Variants in VCAN observed in about 807,000 individuals in gnomAD.
VCAN encodes the protein versican, also known as versican core protein.
VCAN carries 44 observed loss-of-function variants against 245.5 expected under a neutral mutation model. The observed-to-expected ratio is 0.18, with a 90% confidence interval of 0.14 to 0.23. The LOEUF is 0.23. Ranked by LOEUF, VCAN falls within the 10% of genes least tolerant of loss-of-function variation. The pLI is 1.00. For synonymous variants in VCAN, 1,413 were observed against 1,437.0 expected (o/e 0.98, Z 0.38); for missense variants, 3,793 against 4,057.9 (o/e 0.93, Z 1.77).
rs199999031 is a variant in VCAN, at chr5:83,522,328, G to C, written c.4003+19G>C. The C allele has an allele frequency of 4.4e-6, 7 of 1,597,248 alleles. No homozygotes were observed. The African/African-American group carries it at 8.0e-5, about 18-fold the overall frequency. ...AAGACAGGTAAGTCTTTGCTTTCTA[G>C]ACTAGCATTGAAGGCAATCCTCATT... On this transcript the variant is annotated intron_variant, in intron 7 of 14. Transcript: ENST00000265077.
At chr5:83,542,661 T>C (rs1451654445) in intron 8 of VCAN, among the ~76,000 whole-genome samples, 4 of 152,194 alleles carry the variant, frequency 2.6e-5, no homozygotes, top group Non-Finnish European at 5.9e-5. Context: ...AACCCTCCCA[T>C]TGATGGATGC....
chr5:83,488,811 T>C (rs1354980042), intron 2 of VCAN, among the ~76,000 whole-genome samples: 1 of 152,238 alleles, frequency 6.6e-6, no homozygotes, highest in Non-Finnish European at 1.5e-5. Flanking sequence ...GTGATTTATA[T>C]TGTAAGTACA....
intron 11 of VCAN, among the ~76,000 whole-genome samples, chr5:83,554,154 T>C (rs309589): frequency 0.07 from 10,725 of 152,282 alleles, 595 homozygotes; most frequent in South Asian, 0.27. Context: ...TAGCAATATG[T>C]AGAAATTTGT....
intron 6 of VCAN, among the ~76,000 whole-genome samples, chr5:83,516,643 T>G (rs915721261): frequency 2.0e-5 from 3 of 152,258 alleles, no homozygotes; most frequent in Admixed American, 2.0e-4. Context: ...TTGATTTATG[T>G]TGGCTTCCTC....
At chr5:83,528,955 C>A (rs554039811) in intron 7 of VCAN, among the ~76,000 whole-genome samples, 3 of 150,756 alleles carry the variant, frequency 2.0e-5, no homozygotes, top group Non-Finnish European at 4.4e-5. Flanking sequence ...GACACATACT[C>A]TTTCTCCAAA....
chr5:83,485,404 CAAA>C (rs35054904), intron 2 of VCAN, among the ~76,000 whole-genome samples: 34 of 104,360 alleles, frequency 3.3e-4, no homozygotes, highest in Admixed American at 7.7e-4. Flanking sequence ...AACTCCATGT[CAAA>C]AAAAAAAAAA....
At position 83,538,516 on chromosome 5, in the gene VCAN, G is replaced by T; in HGVS notation, c.5513G>T (p.Gly1838Val). 1 of 1,614,034 alleles carries T rather than the reference G, an allele frequency of 6.2e-7. No individual in the cohort carries two copies. The highest frequency in any genetic ancestry group is 1.7e-5 in the Admixed American group (1 of 59,994). ...TCTGTCTTTATGGAGCAGGGCTCTG[G>T]AGAAGCTGCTGCCGACCCAGAAACC... Reference protein sequence around the residue: ...PASVFMEQGSGEAAADPETTT... With the variant: ...PASVFMEQGSVEAAADPETTT... Residue 1838 changes from glycine to valine, a missense_variant, in exon 8 of 15, where the codon GGA becomes GTA. By Grantham distance (109) the Gly-to-Val change is moderately radical. Coordinates refer to ENST00000265077, the MANE Select transcript of VCAN (RefSeq NM_004385.5).
rs1341052302 is a variant in VCAN, at chr5:83,537,654, A to T, written c.4651A>T (p.Ile1551Phe). Residue 1551 changes from isoleucine to phenylalanine, a missense_variant, in exon 8 of 15, where the codon ATT becomes TTT. By Grantham distance (21) the Ile-to-Phe change is conservative. Coordinates refer to ENST00000265077, the MANE Select transcript of VCAN (RefSeq NM_004385.5). ...GTTTCCTGAAGAGTCTTCAGGAGAG[A>T]TTGCCATTGACCAAGAATCTCAGAA... ...SLFPEESSGE[I>F]AIDQESQKIA... 1.9e-6 allele frequency: 3 copies of T among 1,613,866 alleles called. No homozygotes were observed. Among genetic ancestry groups the T allele is most frequent in the African/African-American group, 1.3e-5 (1 of 75,040 alleles).
chr5:83,513,385 T>C (rs1745732346), intron 6 of VCAN, among the ~76,000 whole-genome samples: 1 of 152,226 alleles, frequency 6.6e-6, no homozygotes, highest in Non-Finnish European at 1.5e-5. Flanking sequence ...ACTAGCTTAT[T>C]ATATAATTGA....
At chr5:83,536,576 A>T (rs1298835952) in intron 7 of VCAN, 1 of 154,666 alleles carries the variant, frequency 6.5e-6, no homozygotes, top group Non-Finnish European at 1.4e-5. Context: ...ATATAGAAAT[A>T]GAGCTATAGA....
intron 5 of VCAN, among the ~76,000 whole-genome samples, chr5:83,501,334 A>G (rs1445393931): frequency 1.3e-5 from 2 of 152,148 alleles, no homozygotes; most frequent in Admixed American, 6.6e-5. Flanking sequence ...CTATTTTTAA[A>G]ATTTTTGTGC....
intron 7 of VCAN, among the ~76,000 whole-genome samples, chr5:83,525,483 C>G (rs138003627): frequency 6.6e-6 from 1 of 152,122 alleles, no homozygotes; most frequent in East Asian, 1.9e-4. Context: ...TAAAAACTGA[C>G]AAACAGGTAT....
rs764230614 is a variant in VCAN at position 83,493,727 on chromosome 5, G to C, written c.620+7G>C. ...TGGCTGATCAGACTGTCAGGTAAGAGGTCTGGGGGCCACAGGCTTCATTAT... is the reference window on the plus strand; with the variant it reads ...TGGCTGATCAGACTGTCAGGTAAGACGTCTGGGGGCCACAGGCTTCATTAT... On this transcript the variant is annotated splice_region_variant and intron_variant, in intron 4 of 14. Coordinates refer to ENST00000265077, the MANE Select transcript of VCAN (RefSeq NM_004385.5). 1 of 1,614,116 alleles carries C rather than the reference G, an allele frequency of 6.2e-7. No individual in the cohort carries two copies. The highest frequency in any genetic ancestry group is 1.1e-5 in the South Asian group (1 of 91,084).
rs368052136 is a variant in VCAN at position 83,539,191 on chromosome 5, C to T, written c.6188C>T (p.Thr2063Ile). 3 of 1,613,810 alleles carry T rather than the reference C, an allele frequency of 1.9e-6. No individual in the cohort carries two copies. The highest frequency in any genetic ancestry group is 1.3e-5 in the African/African-American group (1 of 74,896). Reference sequence around the variant, plus strand: ...GATAGAAGATCCACCATTTTACCAACAGCAGAAGTGGAAGGTACGAAAGCT... The same window carrying T: ...GATAGAAGATCCACCATTTTACCAATAGCAGAAGTGGAAGGTACGAAAGCT... Reference protein sequence around the residue: ...EIDRRSTILPTAEVEGTKAPV... With the variant: ...EIDRRSTILPIAEVEGTKAPV... Residue 2063 changes from threonine to isoleucine, a missense_variant, in exon 8 of 15, where the codon ACA (threonine) becomes ATA (isoleucine). Around this residue, in one of 5 missense-constraint regions of VCAN, gnomAD observed 3,182 missense variants for 3,250.3 expected, o/e 0.98. Transcript: ENST00000265077.
chr5:83,552,961 A>G (rs1000630266), intron 10 of VCAN, among the ~76,000 whole-genome samples: 3 of 152,182 alleles, frequency 2.0e-5, no homozygotes, highest in African/African-American at 7.2e-5. Flanking sequence ...GGGCATTCAT[A>G]ATTCTATTAG....
intron 5 of VCAN, among the ~76,000 whole-genome samples, chr5:83,511,653 G>T (rs538813647): frequency 1.3e-5 from 2 of 151,322 alleles, no homozygotes; most frequent in East Asian, 3.9e-4. Context: ...ATTACTATTT[G>T]ATTTTAGGAT....
At chr5:83,501,309 A>T (rs745736249) in intron 5 of VCAN, among the ~76,000 whole-genome samples, 4 of 152,142 alleles carry the variant, frequency 2.6e-5, no homozygotes, top group Non-Finnish European at 5.9e-5. Context: ...AATTTAGATG[A>T]AAAGTCCAAT....
chr5:83,537,810 C>T lies in VCAN; in HGVS notation c.4807C>T (p.Leu1603=). 1 of 1,613,960 alleles carries T rather than the reference C, an allele frequency of 6.2e-7. No individual in the cohort carries two copies. Among genetic ancestry groups the T allele is most frequent in the Non-Finnish European group, 8.5e-7 (1 of 1,179,916 alleles). Residue 1603 remains leucine (L), a synonymous_variant, in exon 8 of 15, where the codon CTA becomes TTA. Transcript: ENST00000265077. ...AYVSEEEAVT[L]IGNPWPDDLL... is the part of the protein sequence containing the mutation. ...TGTTTCAGAGGAAGAAGCAGTTACC[C>T]TAATAGGAAATCCTTGGCCAGATGA...
At chr5:83,571,645 CA>C (rs894950471) in intron 12 of VCAN, among the ~76,000 whole-genome samples, 9 of 151,486 alleles carry the variant, frequency 5.9e-5, no homozygotes, top group Non-Finnish European at 1.0e-4. Context: ...ACATTACACA[CA>C]AAAAAAATCT....
Sources: gnomAD v4.1 joint callset for allele counts (sites outside exome capture counted in the v4.1 genomes callset) on GRCh38, gnomAD v4.1.1 for gene constraint, gnomAD v4.1.1 regional missense constraint, MANE v1.5 for transcripts, NCBI Gene and HGNC (gene_info 2026-07-23, HGNC 2026-07-21) for gene names.